Variants in SESN3 observed in about 807,000 individuals in gnomAD.
SESN3 encodes sestrin-3.
A neutral mutation model predicts 55.3 loss-of-function variants in SESN3; 21 were observed. The ratio of observed to expected loss-of-function variants is 0.38; its 90% CI spans 0.27 to 0.55. The LOEUF (loss-of-function observed/expected upper bound fraction) is 0.55, where lower values mean the gene tolerates loss of function less well. Ranked by LOEUF, SESN3 falls within the 20% of genes least tolerant of loss-of-function variation. The pLI, the probability that SESN3 is intolerant of heterozygous loss-of-function variation, is 0.76. For synonymous variants in SESN3, 181 were observed against 203.1 expected, an observed-to-expected ratio of 0.89 and a Z score of 0.93; for missense variants, 408 against 604.3, an observed-to-expected ratio of 0.68 and a Z score of 3.41.
At chr11:95,216,110 GA>G (rs71036381) in intron 1 of SESN3, among the ~76,000 whole-genome samples, 3,165 of 122,162 alleles carry the variant, frequency 0.026, 97 homozygotes, top group African/African-American at 0.089. Flanking sequence ...AAAAAAAAAA[GA>G]AAAAAAAAAA....
At chr11:95,185,778 CT>C (rs1860151554) in intron 4 of SESN3, among the ~76,000 whole-genome samples, 1 of 151,792 alleles carries the variant, frequency 6.6e-6, no homozygotes, top group Non-Finnish European at 1.5e-5. Flanking sequence ...TAATGAAATA[CT>C]TTTAGAGAAT....
At chr11:95,185,598 A>C in intron 4 of SESN3, 106 bp from the exon 5 acceptor site, 1 of 728,228 alleles carries the variant, frequency 1.4e-6, no homozygotes, top group Non-Finnish European at 2.3e-6. Flanking sequence ...GAGTAATAAA[A>C]CTTAAAACTC....
At chr11:95,199,338 T>C (rs1332555801) in intron 1 of SESN3, among the ~76,000 whole-genome samples, 5 of 152,040 alleles carry the variant, frequency 3.3e-5, no homozygotes, top group African/African-American at 1.2e-4. Context: ...ATTAGGAAAA[T>C]TTATTTTTAC....
chr11:95,213,690 T>A (rs1474604523), intron 1 of SESN3, among the ~76,000 whole-genome samples: 1 of 152,194 alleles, frequency 6.6e-6, no homozygotes, highest in East Asian at 1.9e-4. Flanking sequence ...CAGTGTTCCA[T>A]GAGATAGCTC....
intron 1 of SESN3, among the ~76,000 whole-genome samples, chr11:95,229,403 A>G (rs923974604): frequency 6.6e-6 from 1 of 152,188 alleles, no homozygotes; most frequent in African/African-American, 2.4e-5. Context: ...CACATTTAAT[A>G]AAAATCTGTT....
At chr11:95,211,416 A>T (rs1860652799) in intron 1 of SESN3, among the ~76,000 whole-genome samples, 1 of 152,238 alleles carries the variant, frequency 6.6e-6, no homozygotes, top group African/African-American at 2.4e-5. Flanking sequence ...ATAGAAGGCT[A>T]TTAAAATAGG....
chr11:95,219,265 T>C (rs910581965), intron 1 of SESN3, among the ~76,000 whole-genome samples: 25 of 152,236 alleles, frequency 1.6e-4, no homozygotes, highest in African/African-American at 5.8e-4. Context: ...GAACATTACA[T>C]GGAATTTAGT....
chr11:95,191,370 G>T, intron 3 of SESN3, 34 bp downstream of exon 3: 1 of 1,453,282 alleles, frequency 6.9e-7, no homozygotes, highest in South Asian at 1.1e-5. Context: ...AAGTGAGGAA[G>T]GTGTTATGTG....
chr11:95,196,949 G>C (rs1358779919), intron 1 of SESN3, among the ~76,000 whole-genome samples: 1 of 152,152 alleles, frequency 6.6e-6, no homozygotes, highest in Non-Finnish European at 1.5e-5. Flanking sequence ...TGTAATTGCA[G>C]AAATGCTCTG....
At chr11:95,215,992 G>C (rs1331401899) in intron 1 of SESN3, among the ~76,000 whole-genome samples, 3 of 151,654 alleles carry the variant, frequency 2.0e-5, no homozygotes, top group Non-Finnish European at 4.4e-5. Flanking sequence ...CAGCTACTTG[G>C]GAGGCTGAGG....
At chr11:95,204,480 GT>G (rs1860512193) in intron 1 of SESN3, among the ~76,000 whole-genome samples, 1 of 151,792 alleles carries the variant, frequency 6.6e-6, no homozygotes, top group South Asian at 2.1e-4. Flanking sequence ...GAATGTTCCT[GT>G]CCCCCCCCTC....
intron 3 of SESN3, among the ~76,000 whole-genome samples, chr11:95,191,044 A>G (rs1384196811): frequency 6.6e-6 from 1 of 152,038 alleles, no homozygotes; most frequent in African/African-American, 2.4e-5. Flanking sequence ...TTTATGTATA[A>G]AATTACTAAG....
chr11:95,174,415 CAG>C (rs1859915294), intron 9 of SESN3, among the ~76,000 whole-genome samples: 1 of 152,142 alleles, frequency 6.6e-6, no homozygotes, highest in African/African-American at 2.4e-5. Context: ...TTTTATGTAA[CAG>C]TATATTTGGC....
At position 95,230,957 on chromosome 11, in the gene SESN3, G is replaced by T; in HGVS notation, c.-97C>A. On this transcript the variant is annotated 5_prime_UTR_variant, in exon 1 of 10. Coordinates refer to ENST00000536441, the MANE Select transcript of SESN3 (RefSeq NM_144665.4). The surrounding 1 kb of genome is among the most constrained non-coding windows in gnomAD (Gnocchi z 4.6). ...CCGGTCCGTCCCCCCGCCGCCAGCCGCGATTCCGCCTCAGCCTCCTCAAGG... is the reference window on the plus strand; with the variant it reads ...CCGGTCCGTCCCCCCGCCGCCAGCCTCGATTCCGCCTCAGCCTCCTCAAGG... 1.3e-6 allele frequency: 1 copy of T among 757,772 alleles called. No homozygotes were observed. The highest frequency in any genetic ancestry group is 1.9e-6 in the Non-Finnish European group (1 of 523,016). The allele number at this position is 757,772 out of a possible 1,614,324, so 46.9% of individuals were successfully genotyped here.
At chr11:95,206,780 T>C (rs1446160748) in intron 1 of SESN3, among the ~76,000 whole-genome samples, 1 of 152,024 alleles carries the variant, frequency 6.6e-6, no homozygotes, top group Non-Finnish European at 1.5e-5. Context: ...TAAACAGTCA[T>C]TCATATCACC....
chr11:95,174,303 G>A (rs982519016), intron 9 of SESN3, among the ~76,000 whole-genome samples: 8 of 152,154 alleles, frequency 5.3e-5, no homozygotes, highest in Admixed American at 3.3e-4. Context: ...AAAAGTCCTA[G>A]GACTTAAGGC....
At chr11:95,193,235 G>A (rs993700846) in intron 2 of SESN3, among the ~76,000 whole-genome samples, 4 of 152,026 alleles carry the variant, frequency 2.6e-5, no homozygotes, top group Non-Finnish European at 5.9e-5. Context: ...CAATGATCAG[G>A]TATTATTCTA....
At chr11:95,221,593 T>A (rs1032310731) in intron 1 of SESN3, among the ~76,000 whole-genome samples, 1 of 152,220 alleles carries the variant, frequency 6.6e-6, no homozygotes, top group African/African-American at 2.4e-5. Context: ...ATTTTATACT[T>A]GTTAAGAAGT....
chr11:95,215,924 C>T (rs1860745937), intron 1 of SESN3, among the ~76,000 whole-genome samples: 1 of 151,642 alleles, frequency 6.6e-6, no homozygotes. Flanking sequence ...CGGTGAAACC[C>T]CGTCTCTACT....
Sources: gnomAD v4.1 joint callset for allele counts (sites outside exome capture counted in the v4.1 genomes callset) on GRCh38, gnomAD v4.1.1 for gene constraint, Gnocchi (gnomAD v3.1) non-coding constraint, MANE v1.5 for transcripts, NCBI Gene and HGNC (gene_info 2026-07-23, HGNC 2026-07-21) for gene names.